Variants in AKAP9 observed in about 807,000 individuals in gnomAD.
AKAP9 encodes the protein A-kinase anchoring protein 9.
A neutral mutation model predicts 488.5 loss-of-function variants in AKAP9; 311 were observed. That is an observed-to-expected ratio of 0.64 (90% CI 0.58 to 0.70). The LOEUF is 0.70. Ranked by LOEUF, AKAP9 falls within the 30% of genes least tolerant of loss-of-function variation. The pLI is 0.00. For synonymous variants in AKAP9, 1,462 were observed against 1,483.5 expected (o/e 0.99, Z 0.33); for missense variants, 4,215 against 4,374.5 (o/e 0.96, Z 1.03).
chr7:92,017,630 A>G (rs1208682063), intron 12 of AKAP9, among the ~76,000 whole-genome samples: 1 of 152,228 alleles, frequency 6.6e-6, no homozygotes. Flanking sequence ...CTCATGTAGA[A>G]GGAAATCCAG....
intron 1 of AKAP9, among the ~76,000 whole-genome samples, chr7:91,952,426 A>T (rs1372111968): frequency 6.6e-6 from 1 of 152,230 alleles, no homozygotes; most frequent in Non-Finnish European, 1.5e-5. Flanking sequence ...AATGGGTAAT[A>T]TAATTCTGGG....
intron 9 of AKAP9, 92 bp from the exon 10 acceptor site, chr7:92,014,157 C>A: frequency 1.2e-6 from 1 of 825,312 alleles, no homozygotes; most frequent in Non-Finnish European, 2.1e-6. Flanking sequence ...ATTCTTATTG[C>A]AGGGGAGCTT....
In AKAP9 at chr7:92,077,748, C is replaced by G; in HGVS notation, c.6818C>G (p.Thr2273Ser). The G allele has an allele frequency of 6.2e-7, 1 of 1,613,792 alleles. No homozygotes were observed. Among genetic ancestry groups the G allele is most frequent in the Non-Finnish European group, 8.5e-7 (1 of 1,179,910 alleles). Reference protein sequence around the residue: ...LAIKESDAMSTQDQHVLFGKF... With the variant: ...LAIKESDAMSSQDQHVLFGKF... ...ATAAAGGAATCTGATGCCATGTCTA[C>G]TCAAGACCAACATGTGCTATTTGGG... Residue 2273 changes from threonine to serine, a missense_variant, in exon 30 of 50, where the codon ACT becomes AGT. This residue lies in a region of AKAP9 where 1,476 missense variants were observed against 1,477.4 expected (regional missense o/e 1.00). Coordinates refer to ENST00000356239, the MANE Select transcript of AKAP9 (RefSeq NM_005751.5).
In AKAP9 at chr7:92,001,799, CAGCTTCTATTT is replaced by C; in HGVS notation, c.1885_1895del (p.Leu629SerfsTer15). 1 of 1,613,408 alleles carries C rather than the reference CAGCTTCTATTT, an allele frequency of 6.2e-7. No homozygotes were observed. Among genetic ancestry groups the C allele is most frequent in the Non-Finnish European group, 8.5e-7 (1 of 1,179,654 alleles). On this transcript the variant is annotated frameshift_variant, in exon 8 of 50. Coordinates refer to ENST00000356239, the MANE Select transcript of AKAP9 (RefSeq NM_005751.5). LOFTEE classifies it high-confidence loss of function. ...AGCTGAATTAGAGAGGCTGAGAACA[CAGCTTCTATTT>C]AGTCACGAAGAAGAGCTTTCCAAAC...
intron 37 of AKAP9, among the ~76,000 whole-genome samples, chr7:92,088,754 T>G (rs1815031981): frequency 6.6e-6 from 1 of 152,046 alleles, no homozygotes; most frequent in Non-Finnish European, 1.5e-5. Context: ...CCAAGAAAAC[T>G]AATGATCAAA....
Position 92,042,744 on chromosome 7 carries a change from T to C in AKAP9, c.5135T>C (p.Val1712Ala). The C allele has an allele frequency of 5.6e-6, 9 of 1,611,494 alleles. No individual in the cohort carries two copies. Among genetic ancestry groups the C allele is most frequent in the Non-Finnish European group, 7.6e-6 (9 of 1,178,130 alleles). ...GAATTAGACAGAAAACCTGAAGATG[T>C]GCCTCCTGAGATTTTGTCTAATGAA... ...EKELDRKPED[V>A]PPEILSNERY... is the part of the protein sequence containing the mutation. Residue 1712 changes from valine (V) to alanine (A), a missense_variant, in exon 20 of 50, where the codon GTG (valine) becomes GCG (alanine). Val to Ala is a moderately conservative substitution (Grantham distance 64, BLOSUM62 0). Around this residue, in one of 5 missense-constraint regions of AKAP9, gnomAD observed 2,361 missense variants for 2,430.0 expected, o/e 0.97. Coordinates refer to ENST00000356239, the MANE Select transcript of AKAP9 (RefSeq NM_005751.5).
rs751135212 is a variant in AKAP9 at position 92,001,495 on chromosome 7, A to G, written c.1578A>G (p.Leu526=). Residue 526 remains leucine (L), a synonymous_variant, in exon 8 of 50, where the codon CTA becomes CTG. Transcript: ENST00000356239. ...TAATTTTAGAAGAAAAGTGTGCTCT[A>G]CAGAGACAGCTTGAAGACCTTGTTG... ...LGLILEEKCA[L]QRQLEDLVEE... 6.2e-6 allele frequency: 10 copies of G among 1,613,828 alleles called. No individual in the cohort carries two copies. The highest frequency in any genetic ancestry group is 4.0e-5 in the African/African-American group (3 of 74,942).
chr7:92,029,748 A>G, intron 14 of AKAP9, 147 bp from the exon 15 acceptor site: 1 of 643,920 alleles, frequency 1.6e-6, no homozygotes, highest in South Asian at 1.9e-5. Flanking sequence ...TTAGTCAAAA[A>G]TATGATTTAA....
chr7:91,995,694 AG>A lies in AKAP9; in HGVS notation c.825del (p.Gln275HisfsTer10). On this transcript the variant is annotated frameshift_variant, in exon 7 of 50. Transcript: ENST00000356239. LOFTEE classifies it high-confidence loss of function. Reference sequence around the variant, plus strand: ...AAACAACAGATCCTCACTCATCAACAGCAGCTTGAAGAACAAGACCACTTAT... The same window carrying A: ...AAACAACAGATCCTCACTCATCAACACAGCTTGAAGAACAAGACCACTTAT... The part of the protein sequence containing the change: ...QAKQQILTHQ[Q>X]QLEEQDHLLE... 1 of 1,614,084 alleles carries A rather than the reference AG, an allele frequency of 6.2e-7. No homozygotes were observed. The highest frequency in any genetic ancestry group is 8.5e-7 in the Non-Finnish European group (1 of 1,179,894).
chr7:92,101,090 G>C (rs369901940), intron 45 of AKAP9, 34 bp downstream of exon 45: 1 of 1,593,850 alleles, frequency 6.3e-7, no homozygotes, highest in African/African-American at 1.4e-5. Flanking sequence ...CATCACAGCT[G>C]GTTCTATGTT....
chr7:92,075,995 C>T (rs1812529253), intron 28 of AKAP9, among the ~76,000 whole-genome samples: 1 of 152,142 alleles, frequency 6.6e-6, no homozygotes, highest in Non-Finnish European at 1.5e-5. Context: ...AACAGAGATG[C>T]TCCTGCATCT....
intron 16 of AKAP9, among the ~76,000 whole-genome samples, chr7:92,035,213 A>T (rs1475243475): frequency 2.0e-5 from 3 of 152,208 alleles, no homozygotes; most frequent in African/African-American, 7.2e-5. Context: ...TTCCTCTTTG[A>T]TTCATGGGTT....
intron 25 of AKAP9, 149 bp downstream of exon 25, chr7:92,065,612 A>G (rs1810648808): frequency 8.2e-6 from 5 of 610,576 alleles, no homozygotes; most frequent in Non-Finnish European, 1.4e-5. Flanking sequence ...ATCAAAAAGT[A>G]CTATTCCAAT....
chr7:92,058,403 C>A, intron 22 of AKAP9: 1 of 531,144 alleles, frequency 1.9e-6, no homozygotes. Context: ...ACTGCCTACC[C>A]CTCCTTATTC....
At chr7:91,955,479 A>G (rs553576518) in intron 1 of AKAP9, among the ~76,000 whole-genome samples, 3 of 152,270 alleles carry the variant, frequency 2.0e-5, no homozygotes, top group East Asian at 3.9e-4. Context: ...TATACCACAT[A>G]TATGTACACA....
At position 92,096,681 on chromosome 7, in the gene AKAP9, C is replaced by A; in HGVS notation, c.9730-8C>A. 1 of 1,613,652 alleles carries A rather than the reference C, an allele frequency of 6.2e-7. No homozygotes were observed. The highest frequency in any genetic ancestry group is 1.1e-5 in the South Asian group (1 of 90,886). On this transcript the variant is annotated splice_polypyrimidine_tract_variant and splice_region_variant and intron_variant, in intron 40 of 49. Coordinates refer to ENST00000356239, the MANE Select transcript of AKAP9 (RefSeq NM_005751.5). ...AACAAGTTCTTAAATTTGATTTTCTCGTACCAGGATCTGAAGTTTTCACTT... is the reference window on the plus strand; with the variant it reads ...AACAAGTTCTTAAATTTGATTTTCTAGTACCAGGATCTGAAGTTTTCACTT...
Position 92,061,341 on chromosome 7 carries a change from T to C in AKAP9, c.5683T>C (p.Cys1895Arg), listed in dbSNP as rs1216546383. 1.2e-6 allele frequency: 2 copies of C among 1,613,100 alleles called. No homozygotes were observed. The highest frequency in any genetic ancestry group is 2.2e-5 in the South Asian group (2 of 91,052). Residue 1895 changes from cysteine to arginine, a missense_variant, in exon 23 of 50, where the codon TGC becomes CGC. Physicochemically the swap from Cys to Arg is radical, Grantham distance 180 (BLOSUM62 -3). Transcript: ENST00000356239. ...QKQEATESLK[C>R]QEELRERLHE... ...ACAAGAAGCAACAGAGTCCCTTAAGTGCCAAGAGGAACTTCGAGAGCGCCT... is the reference window on the plus strand; with the variant it reads ...ACAAGAAGCAACAGAGTCCCTTAAGCGCCAAGAGGAACTTCGAGAGCGCCT...
Position 92,001,069 on chromosome 7 carries a change from G to A in AKAP9, c.1152G>A (p.Lys384=), listed in dbSNP as rs1423000099. The A allele has an allele frequency of 6.2e-7, 1 of 1,612,698 alleles. No homozygotes were observed. The highest frequency in any genetic ancestry group is 8.5e-7 in the Non-Finnish European group (1 of 1,179,314). Residue 384 remains lysine, a synonymous_variant, in exon 8 of 50, where the codon AAG becomes AAA. Coordinates refer to ENST00000356239, the MANE Select transcript of AKAP9 (RefSeq NM_005751.5). ...TGAAATTAGAGCTGACTAATTCTAA[G>A]CAAAAAGAAAGACAGTCTTCTGAAG... is the stretch of plus-strand genomic sequence containing the variant. ...KNMKLELTNS[K]QKERQSSEEI...
chr7:92,012,973 ATTTTTTTTTTTTTTTTTTT>A lies in AKAP9; in HGVS notation c.3532+349_3532+367del, dbSNP rs749688986. On this transcript the variant is annotated intron_variant, in intron 9 of 49. Transcript: ENST00000356239. ...GGTGGTAGACAGTGGTGGGGTTGGA[ATTTTTTTTTTTTTTTTTTT>A]TTTTTTTTTTTTTTTTTGAGACGGA... Among the ~76,000 whole-genome samples the A allele has an allele frequency of 6.8e-3, 412 of 60,770 alleles. 5 individuals carry two copies. The highest frequency in any genetic ancestry group is 8.5e-3 in the Non-Finnish European group (280 of 33,098). 39.9% of individuals were successfully genotyped at this position (60,770 alleles called of 152,430 possible). A position where few individuals can be genotyped will look rare whatever the true frequency, so the allele number is the denominator to read the frequency against.
Sources: allele counts gnomAD v4.1 joint callset (sites outside exome capture counted in the v4.1 genomes callset), GRCh38; gene constraint gnomAD v4.1.1; regional missense constraint gnomAD v4.1.1; transcripts MANE v1.5; gene names NCBI Gene and HGNC (gene_info 2026-07-23, HGNC 2026-07-21).